The following PHC1 variants were observed in gnomAD, a reference collection of about 807,000 sequenced individuals.
The protein encoded by PHC1 is polyhomeotic homolog 1.
A neutral mutation model predicts 104.3 loss-of-function variants in PHC1; 12 were observed. The ratio of observed to expected loss-of-function variants is 0.12; its 90% CI spans 0.07 to 0.19. The LOEUF (loss-of-function observed/expected upper bound fraction) is 0.19. Among genes scored for constraint, PHC1 ranks in the 10% least tolerant of loss-of-function variants. The pLI is 1.00. For synonymous variants in PHC1, 302 were observed against 455.8 expected (o/e 0.66, Z 4.30); for missense variants, 671 against 1,200.0 (o/e 0.56, Z 6.51).
intron 6 of PHC1, among the ~76,000 whole-genome samples, chr12:8,928,664 C>G (rs1945598231): frequency 6.6e-6 from 1 of 152,158 alleles, no homozygotes; most frequent in Admixed American, 6.5e-5. Flanking sequence ...TACTTACCAT[C>G]CAGCTTCAAC....
At chr12:8,926,433 G>A (rs966425795) in intron 6 of PHC1, among the ~76,000 whole-genome samples, 3 of 151,148 alleles carry the variant, frequency 2.0e-5, no homozygotes, top group African/African-American at 7.3e-5. Context: ...CCTGGGCAGC[G>A]TAGTCAAACT....
At chr12:8,931,855 A>G (rs1945695303) in intron 7 of PHC1, among the ~76,000 whole-genome samples, 1 of 152,222 alleles carries the variant, frequency 6.6e-6, no homozygotes, top group South Asian at 2.1e-4. Context: ...TTATTACTAT[A>G]CTTGGTATTT....
Position 8,940,247 on chromosome 12 carries a change from C to T in PHC1, c.*788C>T, listed in dbSNP as rs1945971010. On this transcript the variant is annotated 3_prime_UTR_variant, in exon 15 of 15. Transcript: ENST00000544916. ...TAAGTACCTGCCTTAGGCACTATTC[C>T]TTATATAACAAAAATATTAAATATT... The T allele has an allele frequency of 6.2e-6, 1 of 162,030 alleles. No homozygotes were observed. The highest frequency in any genetic ancestry group is 6.0e-5 in the Admixed American group (1 of 16,614). 10.0% of individuals were successfully genotyped at this position (162,030 alleles called of 1,614,324 possible).
intron 8 of PHC1, 46 bp from the exon 9 acceptor site, chr12:8,933,819 C>G: frequency 6.5e-7 from 1 of 1,529,642 alleles, no homozygotes; most frequent in Non-Finnish European, 9.0e-7. Flanking sequence ...TCCTTATTAT[C>G]CTTCATTTGT....
chr12:8,922,860 A>C, intron 6 of PHC1, 72 bp downstream of exon 6: 2 of 1,349,236 alleles, frequency 1.5e-6, no homozygotes, highest in Admixed American at 4.4e-5. Flanking sequence ...ACCTGGGTCC[A>C]CCCTTCTGCC....
At position 8,938,263 on chromosome 12, in the gene PHC1, G is replaced by A. The variant is rs1476911; in HGVS notation, c.2860+203G>A. On this transcript the variant is annotated intron_variant, in intron 14 of 14. Coordinates refer to ENST00000544916, the MANE Select transcript of PHC1 (RefSeq NM_004426.3). ...TCTGTAATGTCAGCAATTTTACAGT[G>A]TTTGATTCTCATCTTATGATGTAGC... Among the ~76,000 whole-genome samples, 54,055 of 152,010 alleles carry A rather than the reference G, an allele frequency of 0.36. 11,056 individuals carry two copies. Among genetic ancestry groups the A allele is most frequent in the South Asian group, 0.46 (2,222 of 4,820 alleles).
intron 6 of PHC1, among the ~76,000 whole-genome samples, chr12:8,929,531 C>CT (rs965309403): frequency 3.0e-3 from 425 of 143,286 alleles, no homozygotes; most frequent in South Asian, 0.013. Flanking sequence ...AAAATAATGT[C>CT]TTTTTTTTTT....
At chr12:8,926,101 A>G (rs1198318752) in intron 6 of PHC1, among the ~76,000 whole-genome samples, 2 of 152,194 alleles carry the variant, frequency 1.3e-5, no homozygotes, top group Non-Finnish European at 2.9e-5. Flanking sequence ...CGAAGAATGT[A>G]GGAGTGTATT....
chr12:8,939,261 C>G (rs1290485091), intron 14 of PHC1, 44 bp from the exon 15 acceptor site: 24 of 1,610,790 alleles, frequency 1.5e-5, no homozygotes, highest in Non-Finnish European at 2.0e-5. Context: ...CTTCCCTTCT[C>G]CTATCATCTG....
Position 8,930,599 on chromosome 12 carries a change from C to G in PHC1, c.777C>G (p.Asn259Lys). ...AVAQASSGAT[N>K]QSLNLSQAGG... is the part of the protein sequence containing the mutation. ...CACAGGCTTCCTCTGGGGCCACAAA[C>G]CAGTCCCTCAACCTTAGTCAAGCTG... Residue 259 changes from asparagine to lysine, a missense_variant, in exon 7 of 15, where the codon AAC becomes AAG. This residue lies in a region of PHC1 where 237 missense variants were observed against 331.1 expected (regional missense o/e 0.72). Transcript: ENST00000544916. 6.5e-7 allele frequency: 1 copy of G among 1,548,734 alleles called. No individual in the cohort carries two copies. The highest frequency in any genetic ancestry group is 8.8e-7 in the Non-Finnish European group (1 of 1,140,444).
At chr12:8,938,445 C>CTTTT (rs11399108) in intron 14 of PHC1, among the ~76,000 whole-genome samples, 1 of 142,242 alleles carries the variant, frequency 7.0e-6, no homozygotes. Flanking sequence ...TGCTAGTCTT[C>CTTTT]TTTTTTTTTT....
intron 9 of PHC1, 47 bp downstream of exon 9, chr12:8,934,059 G>A (rs1044977087): frequency 3.1e-6 from 5 of 1,593,204 alleles, no homozygotes; most frequent in Non-Finnish European, 4.3e-6. Flanking sequence ...CAGAGTAGAG[G>A]AATGTTCTGA....
At chr12:8,918,142 TAAAC>T (rs907786898) in intron 2 of PHC1, among the ~76,000 whole-genome samples, 3 of 152,354 alleles carry the variant, frequency 2.0e-5, no homozygotes, top group African/African-American at 7.2e-5. Flanking sequence ...GATTTATTTT[TAAAC>T]AAACAGCAAA....
chr12:8,940,329 T>G lies in PHC1; in HGVS notation c.*870T>G, dbSNP rs1169179801. 2 of 173,304 alleles carry G rather than the reference T, an allele frequency of 1.2e-5. No homozygotes were observed. The highest frequency in any genetic ancestry group is 2.5e-5 in the Non-Finnish European group (2 of 79,800). 10.7% of individuals were successfully genotyped at this position (173,304 alleles called of 1,614,324 possible). A position where few individuals can be genotyped will look rare whatever the true frequency, so the allele number is the denominator to read the frequency against. ...TCAGTTGTCTTACTCTATTCCAGTC[T>G]TTGCCCACTTTCACACAAATGACAA... On this transcript the variant is annotated 3_prime_UTR_variant, in exon 15 of 15. Coordinates refer to ENST00000544916, the MANE Select transcript of PHC1 (RefSeq NM_004426.3).
chr12:8,916,616 A>G (rs1050955633), intron 1 of PHC1, among the ~76,000 whole-genome samples: 1 of 151,942 alleles, frequency 6.6e-6, no homozygotes, highest in Non-Finnish European at 1.5e-5. Flanking sequence ...CAGTGTTTTC[A>G]TATGTGTCTT....
chr12:8,922,669 C>G lies in PHC1; in HGVS notation c.493C>G (p.Leu165Val). 1.3e-6 allele frequency: 2 copies of G among 1,596,544 alleles called. No individual in the cohort carries two copies. Among genetic ancestry groups the G allele is most frequent in the Non-Finnish European group, 1.7e-6 (2 of 1,171,486 alleles). ...AAACCTATTGCAGGTAAACCGAACC[C>G]TGGGTCGGAATGTGCCTCTAGCCTC... ...LGNLLQVNRT[L>V]GRNVPLASQL... is the part of the protein sequence containing the mutation. Residue 165 changes from leucine to valine, a missense_variant, in exon 6 of 15, where the codon CTG (leucine) becomes GTG (valine). Around this residue, in one of 9 missense-constraint regions of PHC1, gnomAD observed 237 missense variants for 331.1 expected, o/e 0.72. Transcript: ENST00000544916.
At chr12:8,934,630 A>G (rs1477006528) in intron 10 of PHC1, 152 bp downstream of exon 10, 4 of 610,056 alleles carry the variant, frequency 6.6e-6, no homozygotes, top group East Asian at 5.7e-5. Context: ...AGGAAAGGGA[A>G]AAGAGTGTGT....
At chr12:8,927,901 CTTTCTT>C (rs1945569997) in intron 6 of PHC1, among the ~76,000 whole-genome samples, 1 of 108,032 alleles carries the variant, frequency 9.3e-6, no homozygotes, top group Non-Finnish European at 1.8e-5. Context: ...TTCTTTCTTT[CTTTCTT>C]TCTTTCTTTT....
At position 8,916,509 on chromosome 12, in the gene PHC1, C is replaced by CA. The variant is rs976945542; in HGVS notation, c.-48-1112dup. ...TGTGTAGCTTAACAAAAGAGAAAAA[C>CA]AAAAAAAAAGAATGAGTAAAAACCT... On this transcript the variant is annotated intron_variant, in intron 1 of 14. Transcript: ENST00000544916. Among the ~76,000 whole-genome samples the CA allele has an allele frequency of 1.5e-4, 22 of 149,948 alleles. 1 individual carries two copies. Among genetic ancestry groups the CA allele is most frequent in the Non-Finnish European group, 2.1e-4 (14 of 67,536 alleles).
Sources: gnomAD v4.1 joint callset for allele counts (sites outside exome capture counted in the v4.1 genomes callset) on GRCh38, gnomAD v4.1.1 for gene constraint, gnomAD v4.1.1 regional missense constraint, MANE v1.5 for transcripts, NCBI Gene and HGNC (gene_info 2026-07-23, HGNC 2026-07-21) for gene names.